The following CA14 variants were observed in gnomAD, a reference collection of about 807,000 sequenced individuals.
CA14 encodes the protein carbonic anhydrase 14.
In CA14, 44 loss-of-function variants were observed where a neutral mutation model predicts 48.8. That is an observed-to-expected ratio of 0.90 (90% CI 0.71 to 1.16). CA14 has a LOEUF of 1.16. Ranked by LOEUF, CA14 falls within the 50% of genes most tolerant of loss-of-function variation. The pLI, the probability that CA14 is intolerant of heterozygous loss-of-function variation, is 0.00. For synonymous variants in CA14, 154 were observed against 155.0 expected (o/e 0.99, Z 0.05); for missense variants, 386 against 401.0 (o/e 0.96, Z 0.32).
At chr1:150,259,690 T>C (rs782113077) in intron 1 of CA14, among the ~76,000 whole-genome samples, 1 of 152,040 alleles carries the variant, frequency 6.6e-6, no homozygotes, top group Admixed American at 6.6e-5. Flanking sequence ...CCTTCTCCCC[T>C]CAGTAGCACC....
intron 2 of CA14, chr1:150,260,979 C>G (rs1553847698): frequency 2.6e-5 from 4 of 156,362 alleles, no homozygotes; most frequent in African/African-American, 9.7e-5. Flanking sequence ...AGGCTGGTCT[C>G]GAACTCCTGA....
chr1:150,264,498 C>T, intron 10 of CA14, 95 bp from the exon 11 acceptor site: 2 of 755,932 alleles, frequency 2.6e-6, no homozygotes, highest in South Asian at 1.6e-5. Flanking sequence ...ACACCTTGCC[C>T]AGCCCTCTTT....
intron 8 of CA14, 76 bp from the exon 9 acceptor site, chr1:150,263,583 G>A: frequency 6.2e-7 from 1 of 1,612,278 alleles, no homozygotes; most frequent in South Asian, 1.1e-5. Flanking sequence ...ATTCTCCCAG[G>A]CACAGCAGCA....
Position 150,261,519 on chromosome 1 carries a change from C to A in CA14, c.137C>A (p.Ser46Ter), listed in dbSNP as rs587737167. 1 of 1,614,162 alleles carries A rather than the reference C, an allele frequency of 6.2e-7. No homozygotes were observed. Among genetic ancestry groups the A allele is most frequent in the South Asian group, 1.1e-5 (1 of 91,072 alleles). Residue 46 changes from serine (S) to a stop codon, truncating the protein, a stop_gained, in exon 3 of 11, where the codon TCG (serine) becomes TAG (stop). Transcript: ENST00000369111. LOFTEE classifies it high-confidence loss of function. ...SYPECGNNAQSPIDIQTDSVT... is the reference protein window; with the variant it reads ...SYPECGNNAQ ...CCTGAGTGTGGAAACAATGCCCAGT[C>A]GCCCATCGATATTCAGACAGACAGT...
At chr1:150,261,085 AT>A in intron 2 of CA14, 1 of 190,482 alleles carries the variant, frequency 5.2e-6, no homozygotes, top group Non-Finnish European at 1.1e-5. Flanking sequence ...TATTTCTCCC[AT>A]TTTTCTACTC....
chr1:150,260,218 TC>T, intron 2 of CA14, 47 bp downstream of exon 2: 1 of 1,593,782 alleles, frequency 6.3e-7, no homozygotes, highest in Non-Finnish European at 8.6e-7. Flanking sequence ...CACTGGGACC[TC>T]CTCACCTGGC....
chr1:150,264,185 C>A (rs1553848809), intron 10 of CA14, among the ~76,000 whole-genome samples: 1 of 152,112 alleles, frequency 6.6e-6, no homozygotes, highest in African/African-American at 2.4e-5. Context: ...CTCAGCCTCC[C>A]AAAGTACTGG....
chr1:150,262,223 C>A lies in CA14; in HGVS notation c.322C>A (p.Leu108Ile), dbSNP rs1553848019. ...TCCCCGAAAATATGTAGCTGCCCAG[C>A]TCCACCTGCACTGGGGTCAGAAAGG... ...GLPRKYVAAQ[L>I]HLHWGQKGSP... The change falls in exon 4 of 11, where the codon CTC becomes ATC. Residue 108 changes from leucine to isoleucine, a missense_variant. Coordinates refer to ENST00000369111, the MANE Select transcript of CA14 (RefSeq NM_012113.3). 1.1e-5 allele frequency: 18 copies of A among 1,613,886 alleles called. No homozygotes were observed. The highest frequency in any genetic ancestry group is 1.5e-5 in the Non-Finnish European group (18 of 1,179,760).
At chr1:150,260,085 G>A (rs782230800) in intron 1 of CA14, 66 bp from the exon 2 acceptor site, 21 of 1,507,228 alleles carry the variant, frequency 1.4e-5, no homozygotes, top group Admixed American at 1.7e-5. Flanking sequence ...AGAGGGAGGG[G>A]AGTGTGGAGG....
At chr1:150,260,331 C>A (rs782509194) in intron 2 of CA14, 160 bp downstream of exon 2, 1 of 736,310 alleles carries the variant, frequency 1.4e-6, no homozygotes, top group East Asian at 2.7e-5. Flanking sequence ...ATATATGGCT[C>A]CTAGATCCTG....
At chr1:150,263,909 C>A in intron 10 of CA14, 31 bp downstream of exon 10, 6 of 1,265,242 alleles carry the variant, frequency 4.7e-6, no homozygotes, top group East Asian at 2.4e-5. Flanking sequence ...CCTCCAGTCC[C>A]TTCTTCTTTT....
intron 10 of CA14, 29 bp downstream of exon 10, chr1:150,263,907 C>G (rs1365572877): frequency 7.0e-7 from 1 of 1,424,940 alleles, no homozygotes; most frequent in Admixed American, 2.3e-5. Context: ...TTCCTCCAGT[C>G]CCTTCTTCTT....
intron 1 of CA14, among the ~76,000 whole-genome samples, chr1:150,259,710 A>G (rs926641260): frequency 6.6e-6 from 1 of 151,792 alleles, no homozygotes; most frequent in African/African-American, 2.4e-5. Flanking sequence ...CCCCCAACAC[A>G]CACACACTCT....
At chr1:150,260,824 A>G (rs1242522242) in intron 2 of CA14, 1 of 140,594 alleles carries the variant, frequency 7.1e-6, no homozygotes, top group African/African-American at 2.7e-5. Context: ...CAGTGGCGCA[A>G]TCTGGGCTCA....
intron 2 of CA14, chr1:150,260,800 C>T (rs907810028): frequency 7.7e-6 from 1 of 129,826 alleles, no homozygotes; most frequent in Admixed American, 9.2e-5. Flanking sequence ...TGCTCTGTCA[C>T]CCAGGCTGGA....
At position 150,258,070 on chromosome 1, in the gene CA14, C is replaced by T. The variant is rs1553847066; in HGVS notation, c.-59C>T. Reference sequence around the variant, plus strand: ...TCACTCCTCCCTCCCTCTCTCTCTGCCTGTCCTAGTCCTCTAGTCCTCAAA... The same window carrying T: ...TCACTCCTCCCTCCCTCTCTCTCTGTCTGTCCTAGTCCTCTAGTCCTCAAA... On this transcript the variant is annotated 5_prime_UTR_variant, in exon 1 of 11. Transcript: ENST00000369111. The T allele has an allele frequency of 1.5e-6, 2 of 1,340,874 alleles. No homozygotes were observed. The highest frequency in any genetic ancestry group is 2.4e-5 in the East Asian group (1 of 40,952). 83.1% of individuals were successfully genotyped at this position (1,340,874 alleles called of 1,614,324 possible).
At chr1:150,261,836 G>A (rs587727971) in intron 3 of CA14, among the ~76,000 whole-genome samples, 198 bp downstream of exon 3, 3 of 152,324 alleles carry the variant, frequency 2.0e-5, no homozygotes, top group African/African-American at 4.8e-5. Flanking sequence ...TCAGAGGAAA[G>A]CAGCATTTTC....
chr1:150,263,554 C>G, intron 8 of CA14, 105 bp from the exon 9 acceptor site: 1 of 1,610,916 alleles, frequency 6.2e-7, no homozygotes, highest in Non-Finnish European at 8.5e-7. Flanking sequence ...CAACCCCCAC[C>G]CCAGGGTGCC....
intron 2 of CA14, 108 bp from the exon 3 acceptor site, chr1:150,261,351 C>A: frequency 4.1e-6 from 4 of 972,016 alleles, no homozygotes; most frequent in Non-Finnish European, 6.3e-6. Flanking sequence ...ATTTCTACCT[C>A]CACACAGATG....
Sources: allele counts gnomAD v4.1 joint callset (sites outside exome capture counted in the v4.1 genomes callset), GRCh38; gene constraint gnomAD v4.1.1; transcripts MANE v1.5; gene names NCBI Gene and HGNC (gene_info 2026-07-23, HGNC 2026-07-21).